AHCYL2: variants seen among roughly 807,000 people sequenced by gnomAD.
AHCYL2 encodes adenosylhomocysteinase like 2.
AHCYL2 carries 28 observed loss-of-function variants against 81.4 expected under a neutral mutation model. The observed-to-expected ratio is 0.34, with a 90% CI of 0.25 to 0.47. The LOEUF (loss-of-function observed/expected upper bound fraction) is 0.47, where lower values mean the gene tolerates loss of function less well. Among genes scored for constraint, AHCYL2 ranks in the 20% least tolerant of loss-of-function variants. The probability of loss-of-function intolerance (pLI) is 1.00; values close to 1 mark genes in which losing one functional copy is unlikely to be tolerated. For synonymous variants in AHCYL2, 272 were observed against 290.2 expected, an observed-to-expected ratio of 0.94 and a Z score of 0.64; for missense variants, 551 against 785.1, an observed-to-expected ratio of 0.70 and a Z score of 3.56.
At chr7:129,264,230 C>T (rs893721280) in intron 1 of AHCYL2, among the ~76,000 whole-genome samples, 2 of 152,138 alleles carry the variant, frequency 1.3e-5, no homozygotes, top group Non-Finnish European at 2.9e-5. Context: ...ACCTTGTTAG[C>T]CAGGATGGTC....
chr7:129,255,143 A>C (rs1342387739), intron 1 of AHCYL2, among the ~76,000 whole-genome samples: 1 of 151,648 alleles, frequency 6.6e-6, no homozygotes, highest in East Asian at 1.9e-4. Flanking sequence ...TGCCTATAAT[A>C]CCAGCTACTC....
At chr7:129,371,035 C>A (rs762957497) in intron 1 of AHCYL2, among the ~76,000 whole-genome samples, 4 of 152,206 alleles carry the variant, frequency 2.6e-5, no homozygotes, top group South Asian at 2.1e-4. Context: ...TGAGCACCCT[C>A]TAGTGTATTG....
At chr7:129,277,676 A>AT (rs1367554642) in intron 1 of AHCYL2, among the ~76,000 whole-genome samples, 11 of 152,126 alleles carry the variant, frequency 7.2e-5, no homozygotes, top group African/African-American at 2.7e-4. Context: ...AAGTGGAATC[A>AT]AGTAGTATGT....
At chr7:129,301,874 AT>A (rs145841991) in intron 1 of AHCYL2, among the ~76,000 whole-genome samples, 3 of 149,692 alleles carry the variant, frequency 2.0e-5, no homozygotes, top group African/African-American at 4.9e-5. Context: ...AAATTTTAGG[AT>A]TTTTTTTTTC....
At chr7:129,273,556 G>T (rs1242503174) in intron 1 of AHCYL2, among the ~76,000 whole-genome samples, 2 of 151,334 alleles carry the variant, frequency 1.3e-5, no homozygotes, top group African/African-American at 2.4e-5. Flanking sequence ...TCGAACTCCC[G>T]ACCTCAGGTG....
intron 1 of AHCYL2, among the ~76,000 whole-genome samples, chr7:129,274,090 C>T (rs936754830): frequency 2.0e-5 from 3 of 152,138 alleles, no homozygotes; most frequent in Non-Finnish European, 4.4e-5. Flanking sequence ...AATAGAGGAA[C>T]TGGTGATATG....
intron 12 of AHCYL2, among the ~76,000 whole-genome samples, chr7:129,417,731 C>G (rs1343789641): frequency 1.3e-5 from 2 of 152,182 alleles, no homozygotes; most frequent in Non-Finnish European, 2.9e-5. Context: ...AAATATCAAA[C>G]TCAACTAGTA....
chr7:129,352,431 C>CTA (rs1188388583), intron 1 of AHCYL2, among the ~76,000 whole-genome samples: 4 of 152,244 alleles, frequency 2.6e-5, no homozygotes, highest in African/African-American at 4.8e-5. Context: ...CTCTACCTAT[C>CTA]TATATATATA....
chr7:129,275,755 A>G (rs1401051347), intron 1 of AHCYL2, among the ~76,000 whole-genome samples: 1 of 152,204 alleles, frequency 6.6e-6, no homozygotes, highest in Non-Finnish European at 1.5e-5. Context: ...GAAAATATAT[A>G]GATACAAATA....
chr7:129,255,136 C>T (rs1209713127), intron 1 of AHCYL2, among the ~76,000 whole-genome samples: 2 of 151,978 alleles, frequency 1.3e-5, no homozygotes, highest in African/African-American at 4.8e-5. Context: ...TGGCACGTGC[C>T]TATAATACCA....
intron 1 of AHCYL2, among the ~76,000 whole-genome samples, chr7:129,249,874 C>T (rs1795192430): frequency 6.6e-6 from 1 of 152,170 alleles, no homozygotes; most frequent in Admixed American, 6.5e-5. Context: ...AAGGTCCCTT[C>T]ATATTGTAGC....
chr7:129,288,336 A>G (rs1796710797), intron 1 of AHCYL2, among the ~76,000 whole-genome samples: 2 of 150,836 alleles, frequency 1.3e-5, no homozygotes, highest in East Asian at 3.9e-4. Flanking sequence ...AACTCCTGTA[A>G]ATTTGTATTT....
intron 1 of AHCYL2, among the ~76,000 whole-genome samples, chr7:129,331,200 A>G (rs989110442): frequency 2.0e-5 from 3 of 152,200 alleles, no homozygotes; most frequent in South Asian, 4.1e-4. Flanking sequence ...GGGTGAGAAG[A>G]CGAACATTTT....
chr7:129,375,893 C>A (rs1794661112), intron 1 of AHCYL2: 2 of 1,535,958 alleles, frequency 1.3e-6, no homozygotes, highest in Non-Finnish European at 1.7e-6. Context: ...AGAAGAAATA[C>A]ATTGTTAATG....
At chr7:129,351,899 AG>A (rs1793578877) in intron 1 of AHCYL2, among the ~76,000 whole-genome samples, 1 of 152,218 alleles carries the variant, frequency 6.6e-6, no homozygotes, top group South Asian at 2.1e-4. Context: ...AAGCAATGAT[AG>A]GTAAGTAATT....
intron 1 of AHCYL2, among the ~76,000 whole-genome samples, chr7:129,229,160 C>T (rs1008700690): frequency 2.6e-5 from 4 of 151,994 alleles, no homozygotes; most frequent in East Asian, 1.9e-4. Flanking sequence ...CTCCGCCTCC[C>T]GGGTTCAAGC....
At chr7:129,342,698 T>TAAC (rs1793226659) in intron 1 of AHCYL2, among the ~76,000 whole-genome samples, 1 of 152,204 alleles carries the variant, frequency 6.6e-6, no homozygotes, top group African/African-American at 2.4e-5. Context: ...TTCAAAGTGG[T>TAAC]AGACCTTATT....
At chr7:129,361,608 CAAT>C (rs1793932540) in intron 1 of AHCYL2, among the ~76,000 whole-genome samples, 1 of 152,046 alleles carries the variant, frequency 6.6e-6, no homozygotes, top group East Asian at 1.9e-4. Flanking sequence ...TAATTATTAA[CAAT>C]AATAGTTATT....
intron 1 of AHCYL2, among the ~76,000 whole-genome samples, chr7:129,230,887 GT>G (rs1001019899): frequency 4.6e-5 from 7 of 152,042 alleles, no homozygotes; most frequent in African/African-American, 1.4e-4. Context: ...CTTAATCTGT[GT>G]TTTTTGGGTA....
Sources: allele counts gnomAD v4.1 joint callset (sites outside exome capture counted in the v4.1 genomes callset), GRCh38; gene constraint gnomAD v4.1.1; transcripts MANE v1.5; gene names NCBI Gene and HGNC (gene_info 2026-07-23, HGNC 2026-07-21).